The following SCUBE1 variants were observed in gnomAD, a reference collection of about 807,000 sequenced individuals.
The protein encoded by SCUBE1 is signal peptide, CUB domain and EGF like domain containing 1.
In SCUBE1, 59 loss-of-function variants were observed where a neutral mutation model predicts 124.4. That is an observed-to-expected ratio of 0.47 (90% CI 0.38 to 0.59). The LOEUF is 0.59. Among genes scored for constraint, SCUBE1 ranks in the 20% least tolerant of loss-of-function variants. The pLI, the probability that SCUBE1 is intolerant of heterozygous loss-of-function variation, is 0.00. For synonymous variants in SCUBE1, 545 were observed against 550.9 expected (o/e 0.99, Z 0.15); for missense variants, 1,150 against 1,371.2 (o/e 0.84, Z 2.55).
intron 3 of SCUBE1, among the ~76,000 whole-genome samples, chr22:43,307,691 C>CCCTA (rs1926021348): frequency 6.6e-6 from 1 of 152,176 alleles, no homozygotes; most frequent in Non-Finnish European, 1.5e-5. Context: ...TAACTGTGGC[C>CCCTA]AGTCTTGTCT....
chr22:43,261,033 C>T (rs916639430), intron 5 of SCUBE1, among the ~76,000 whole-genome samples: 2 of 152,280 alleles, frequency 1.3e-5, no homozygotes, highest in Non-Finnish European at 2.9e-5. Flanking sequence ...AGCAGGCCCT[C>T]GGCCTGTCTT....
chr22:43,274,662 A>G (rs1253472170), intron 4 of SCUBE1, among the ~76,000 whole-genome samples: 2 of 152,218 alleles, frequency 1.3e-5, no homozygotes, highest in African/African-American at 2.4e-5. Context: ...CAGTGGTAAG[A>G]GCACTGTGGA....
intron 2 of SCUBE1, among the ~76,000 whole-genome samples, chr22:43,334,793 G>A (rs569928487): frequency 3.9e-5 from 6 of 152,134 alleles, no homozygotes; most frequent in Non-Finnish European, 8.8e-5. Context: ...GCCAAGCTAT[G>A]TTCAAAGGCT....
chr22:43,318,175 T>C (rs1313643123), intron 3 of SCUBE1: 1 of 152,194 alleles, frequency 6.6e-6, no homozygotes, highest in Non-Finnish European at 1.5e-5. Flanking sequence ...TTTGTCAGAC[T>C]GTGGGGCAAC....
chr22:43,254,155 C>T (rs1192821607), intron 6 of SCUBE1, among the ~76,000 whole-genome samples: 2 of 152,266 alleles, frequency 1.3e-5, no homozygotes, highest in South Asian at 2.1e-4. Flanking sequence ...GGAGAACTAG[C>T]TTCCAGCCTG....
At position 43,203,991 on chromosome 22, in the gene SCUBE1, C is replaced by A. The variant is rs926656330; in HGVS notation, c.*6G>T. 6.2e-7 allele frequency: 1 copy of A among 1,614,040 alleles called. No homozygotes were observed. The highest frequency in any genetic ancestry group is 8.5e-7 in the Non-Finnish European group (1 of 1,179,972). ...GGCCACCCCCAGGCAGGGCCGCTCC[C>A]CCCGGTTATTTGTAGGGCCGCAGGA... On this transcript the variant is annotated 3_prime_UTR_variant, in exon 22 of 22. Transcript: ENST00000360835.
At chr22:43,208,353 T>A in intron 19 of SCUBE1, 129 bp from the exon 20 acceptor site, 1 of 824,348 alleles carries the variant, frequency 1.2e-6, no homozygotes, top group Non-Finnish European at 2.0e-6. Flanking sequence ...CACAACGGCT[T>A]AGTCTTTGTG....
Position 43,281,480 on chromosome 22 carries a change from CCCTCTTTGGCCACCCTCCTGTCACCT to C in SCUBE1, c.484+9540_484+9565del, listed in dbSNP as rs1569010746. On this transcript the variant is annotated intron_variant, in intron 4 of 21. Transcript: ENST00000360835. ...TCCCTCAGCCACCCTCCTGTCACCTCCCTCTTTGGCCACCCTCCTGTCACCTCCTCCTCAGCCACCCTCCTGTCACC... is the reference window on the plus strand; with the variant it reads ...TCCCTCAGCCACCCTCCTGTCACCTCCCTCCTCAGCCACCCTCCTGTCACC... Among the ~76,000 whole-genome samples, 199 of 113,404 alleles carry C rather than the reference CCCTCTTTGGCCACCCTCCTGTCACCT, an allele frequency of 1.8e-3. 29 individuals carry two copies. Among genetic ancestry groups the C allele is most frequent in the African/African-American group, 9.0e-3 (173 of 19,274 alleles). 74.4% of individuals were successfully genotyped at this position (113,404 alleles called of 152,430 possible).
intron 4 of SCUBE1, among the ~76,000 whole-genome samples, chr22:43,267,112 C>T (rs1001387712): frequency 3.9e-5 from 6 of 152,196 alleles, no homozygotes; most frequent in African/African-American, 1.4e-4. Context: ...TCTGCCCTTG[C>T]TTCATTCTGC....
At chr22:43,222,815 A>G (rs1392882747) in intron 11 of SCUBE1, 73 bp from the exon 12 acceptor site, 2 of 1,223,204 alleles carry the variant, frequency 1.6e-6, no homozygotes, top group East Asian at 2.5e-5. Context: ...TTGGGGCCTC[A>G]GAGGGATTGT....
chr22:43,217,584 C>T (rs1921890759), intron 15 of SCUBE1, among the ~76,000 whole-genome samples: 1 of 152,196 alleles, frequency 6.6e-6, no homozygotes, highest in Non-Finnish European at 1.5e-5. Flanking sequence ...CTATGGCTCC[C>T]CATCCAACTC....
chr22:43,268,181 C>T (rs920081080), intron 4 of SCUBE1, among the ~76,000 whole-genome samples: 7 of 152,260 alleles, frequency 4.6e-5, no homozygotes, highest in African/African-American at 7.2e-5. Context: ...CCCCAAGCCC[C>T]AGGCCCAGAG....
Position 43,214,092 on chromosome 22 carries a change from C to T in SCUBE1, c.2051G>A (p.Gly684Glu), listed in dbSNP as rs762729489. 1.3e-5 allele frequency: 18 copies of T among 1,367,110 alleles called. No individual in the cohort carries two copies. The highest frequency in any genetic ancestry group is 1.7e-5 in the Non-Finnish European group (17 of 1,019,660). 84.7% of individuals were successfully genotyped at this position (1,367,110 alleles called of 1,614,324 possible). The change falls in exon 16 of 22, where the codon GGA becomes GAA. Residue 684 changes from glycine (G) to glutamate (E), a missense_variant and splice_region_variant. Gly to Glu is a moderately conservative substitution (Grantham distance 98). Transcript: ENST00000360835. Reference sequence around the variant, plus strand: ...TCTCCTTCTAGGCCCGCACTTGCCTCCACATTCCGACACGTTGCGGGCACC... The same window carrying T: ...TCTCCTTCTAGGCCCGCACTTGCCTTCACATTCCGACACGTTGCGGGCACC... ...LPGARNVSEC[G>E]GQCSPGFFSA...
intron 4 of SCUBE1, among the ~76,000 whole-genome samples, chr22:43,285,602 C>T (rs559077644): frequency 1.3e-5 from 2 of 152,230 alleles, no homozygotes; most frequent in African/African-American, 4.8e-5. Flanking sequence ...GAGGGCTCAG[C>T]TCAGAATGGG....
intron 9 of SCUBE1, among the ~76,000 whole-genome samples, chr22:43,227,754 G>A (rs192718676): frequency 1.3e-5 from 2 of 152,290 alleles, no homozygotes; most frequent in East Asian, 1.9e-4. Flanking sequence ...CCAGGCTAGG[G>A]GGCAGAGGAG....
At chr22:43,339,080 C>G in intron 2 of SCUBE1, 24 bp downstream of exon 2, 3 of 1,612,780 alleles carry the variant, frequency 1.9e-6, no homozygotes, top group Non-Finnish European at 2.5e-6. Flanking sequence ...CAGGGTCTGC[C>G]CGGGAGGGCC....
At chr22:43,338,525 C>A (rs922395809) in intron 2 of SCUBE1, among the ~76,000 whole-genome samples, 4 of 151,930 alleles carry the variant, frequency 2.6e-5, no homozygotes, top group Non-Finnish European at 5.9e-5. Context: ...ATTTCTTTTT[C>A]TTTCTTTTCT....
At chr22:43,228,119 C>G (rs1922400802) in intron 9 of SCUBE1, among the ~76,000 whole-genome samples, 1 of 152,224 alleles carries the variant, frequency 6.6e-6, no homozygotes, top group African/African-American at 2.4e-5. Context: ...ATGTCCTGAT[C>G]ACATTCTTGC....
chr22:43,292,250 G>A (rs1925389256), intron 3 of SCUBE1, among the ~76,000 whole-genome samples: 1 of 152,102 alleles, frequency 6.6e-6, no homozygotes, highest in African/African-American at 2.4e-5. Flanking sequence ...GTGGAAGGCT[G>A]CCAAGTGGTC....
Sources: gnomAD v4.1 joint callset for allele counts (sites outside exome capture counted in the v4.1 genomes callset) on GRCh38, gnomAD v4.1.1 for gene constraint, MANE v1.5 for transcripts, NCBI Gene and HGNC (gene_info 2026-07-23, HGNC 2026-07-21) for gene names.